MEMO1: variants seen among roughly 807,000 people sequenced by gnomAD.
MEMO1 encodes mediator of cell motility 1.
Under a neutral mutation model 45.2 loss-of-function variants are expected in MEMO1, and 6 were observed. The observed-to-expected ratio is 0.13, with a 90% CI of 0.07 to 0.26. The LOEUF is 0.26. Among genes scored for constraint, MEMO1 ranks in the 10% least tolerant of loss-of-function variants. The pLI, the probability that MEMO1 is intolerant of heterozygous loss-of-function variation, is 1.00. For missense variants in MEMO1, 184 were observed against 370.5 expected, an observed-to-expected ratio of 0.50 and a Z score of 4.13; for synonymous variants, 78 against 124.3, an observed-to-expected ratio of 0.63 and a Z score of 2.48.
At chr2:31,990,571 C>CTTTTTTTTTTTTT (rs34456440) in intron 2 of MEMO1, among the ~76,000 whole-genome samples, 1 of 119,998 alleles carries the variant, frequency 8.3e-6, no homozygotes, top group Non-Finnish European at 1.8e-5. Context: ...AATTTTTTTT[C>CTTTTTTTTTTTTT]TTTTTTTTTT....
intron 3 of MEMO1, among the ~76,000 whole-genome samples, chr2:31,933,347 AAATTTATATAT>A (rs1558514262): frequency 1.0e-4 from 2 of 19,960 alleles, no homozygotes; most frequent in African/African-American, 4.0e-4. Context: ...AAAAAAAAAA[AAATTTATATAT>A]ATATATATAT....
At chr2:31,898,247 T>G (rs923568896) in intron 6 of MEMO1, among the ~76,000 whole-genome samples, 4 of 152,114 alleles carry the variant, frequency 2.6e-5, no homozygotes, top group African/African-American at 4.8e-5. Context: ...TTATTTCTTG[T>G]CTTCTGCTAG....
chr2:31,994,847 C>A (rs1363606974), intron 2 of MEMO1, among the ~76,000 whole-genome samples: 2 of 151,796 alleles, frequency 1.3e-5, no homozygotes, highest in Non-Finnish European at 2.9e-5. Flanking sequence ...ACTCAGAAGG[C>A]TGAGGCAGGA....
intron 2 of MEMO1, among the ~76,000 whole-genome samples, chr2:32,001,305 C>A (rs1453883257): frequency 6.6e-6 from 1 of 151,778 alleles, no homozygotes; most frequent in Non-Finnish European, 1.5e-5. Context: ...TCCCAAAGTG[C>A]TGGGATTACA....
intron 2 of MEMO1, among the ~76,000 whole-genome samples, chr2:31,987,589 T>C (rs558137091): frequency 2.6e-5 from 4 of 152,320 alleles, no homozygotes; most frequent in Non-Finnish European, 2.9e-5. Flanking sequence ...CTAGTCATAT[T>C]AGTCATTCAA....
At chr2:31,922,946 T>C (rs1007952038) in intron 4 of MEMO1, among the ~76,000 whole-genome samples, 5 of 152,172 alleles carry the variant, frequency 3.3e-5, no homozygotes, top group African/African-American at 9.6e-5. Context: ...TGTGTACATA[T>C]GTCTTTATGG....
At chr2:31,948,611 T>G (rs775140447) in intron 2 of MEMO1, among the ~76,000 whole-genome samples, 7 of 152,130 alleles carry the variant, frequency 4.6e-5, no homozygotes, top group Non-Finnish European at 7.4e-5. Context: ...GCCAATAAAA[T>G]TACAAAAGAG....
chr2:31,925,492 A>AAAAAAAAAAG (rs1558507956), intron 4 of MEMO1, among the ~76,000 whole-genome samples: 4 of 133,846 alleles, frequency 3.0e-5, no homozygotes, highest in African/African-American at 1.0e-4. Flanking sequence ...AAAAAAAAAA[A>AAAAAAAAAAG]AAAAAAATCT....
intron 2 of MEMO1, among the ~76,000 whole-genome samples, chr2:31,978,700 T>C (rs2148491550): frequency 6.6e-6 from 1 of 152,294 alleles, no homozygotes; most frequent in East Asian, 1.9e-4. Flanking sequence ...GGCTGCAGGC[T>C]TAAGCCACCG....
intron 2 of MEMO1, among the ~76,000 whole-genome samples, chr2:31,990,152 T>G (rs1192339660): frequency 6.6e-6 from 1 of 152,066 alleles, no homozygotes; most frequent in Non-Finnish European, 1.5e-5. Flanking sequence ...CTCTTCCAAA[T>G]TTACATCTGG....
intron 8 of MEMO1, among the ~76,000 whole-genome samples, chr2:31,876,749 G>C (rs1395624365): frequency 6.6e-6 from 1 of 151,268 alleles, no homozygotes; most frequent in African/African-American, 2.4e-5. Context: ...CATCGAACCA[G>C]CAGCATAGCC....
At chr2:31,897,720 T>G (rs1678082933) in intron 6 of MEMO1, among the ~76,000 whole-genome samples, 2 of 152,204 alleles carry the variant, frequency 1.3e-5, no homozygotes, top group Admixed American at 6.5e-5. Flanking sequence ...ATCAGGATGA[T>G]GCTGTCCTCA....
chr2:32,003,801 C>G (rs959501470), intron 2 of MEMO1, among the ~76,000 whole-genome samples: 42 of 151,974 alleles, frequency 2.8e-4, no homozygotes, highest in South Asian at 4.2e-4. Flanking sequence ...CCTGTAATCC[C>G]AGCACTTTGG....
At chr2:31,963,404 GA>G (rs758782742) in intron 2 of MEMO1, 140 of 994,252 alleles carry the variant, frequency 1.4e-4, no homozygotes, top group Middle Eastern at 3.6e-4. Flanking sequence ...AAGAAGCAAG[GA>G]AAGCTAAAAT....
chr2:31,954,463 T>A (rs1011309), intron 2 of MEMO1, among the ~76,000 whole-genome samples: 18,063 of 152,042 alleles, frequency 0.12, 1,167 homozygotes, highest in Middle Eastern at 0.21. Flanking sequence ...TTAATTTTTT[T>A]AAAAAAATCA....
intron 6 of MEMO1, among the ~76,000 whole-genome samples, chr2:31,897,124 G>A (rs1305970439): frequency 2.0e-5 from 3 of 152,204 alleles, no homozygotes; most frequent in African/African-American, 7.2e-5. Flanking sequence ...ATTTTAGGCT[G>A]AGACAATGGG....
chr2:31,960,053 C>T (rs893801746), intron 2 of MEMO1, among the ~76,000 whole-genome samples: 2 of 152,198 alleles, frequency 1.3e-5, no homozygotes, highest in Non-Finnish European at 2.9e-5. Flanking sequence ...AAAAATCAGC[C>T]GGGTGTGGCG....
chr2:31,982,076 A>C (rs1203646394), intron 2 of MEMO1, among the ~76,000 whole-genome samples: 1 of 151,958 alleles, frequency 6.6e-6, no homozygotes, highest in African/African-American at 2.4e-5. Context: ...AGGTGGGTGG[A>C]TCATGAGGTC....
At chr2:31,899,151 C>T (rs916017033) in intron 6 of MEMO1, among the ~76,000 whole-genome samples, 3 of 152,176 alleles carry the variant, frequency 2.0e-5, no homozygotes, top group African/African-American at 7.2e-5. Context: ...ATCAAGCTAC[C>T]ATTGACTTTC....
Sources: allele counts gnomAD v4.1 joint callset (sites outside exome capture counted in the v4.1 genomes callset), GRCh38; gene constraint gnomAD v4.1.1; transcripts MANE v1.5; gene names NCBI Gene and HGNC (gene_info 2026-07-23, HGNC 2026-07-21).